GRIK2: variants seen among roughly 807,000 people sequenced by gnomAD.
The protein encoded by GRIK2 is glutamate ionotropic receptor kainate type subunit 2, also known as glutamate receptor ionotropic, kainate 2.
In GRIK2, 32 loss-of-function variants were observed where a neutral mutation model predicts 100.3. That is an observed-to-expected ratio of 0.32 (90% CI 0.24 to 0.43). GRIK2 has a LOEUF of 0.43. GRIK2 is among the 20% of genes least tolerant of loss of function. GRIK2 has a pLI of 1.00. For missense variants in GRIK2, 843 were observed against 1,114.9 expected, an observed-to-expected ratio of 0.76 and a Z score of 3.47; for synonymous variants, 417 against 389.4, an observed-to-expected ratio of 1.07 and a Z score of -0.83.
chr6:101,982,424 C>T (rs567781480), intron 14 of GRIK2, among the ~76,000 whole-genome samples: 1 of 151,834 alleles, frequency 6.6e-6, no homozygotes, highest in East Asian at 2.0e-4. Flanking sequence ...TTAAGTTGCT[C>T]AGTTTTAATT....
intron 14 of GRIK2, among the ~76,000 whole-genome samples, chr6:101,946,742 G>A (rs762324564): frequency 1.1e-4 from 16 of 152,092 alleles, no homozygotes; most frequent in Non-Finnish European, 2.1e-4. Flanking sequence ...CTGCTCAAAG[G>A]ACTGGAGGGT....
intron 2 of GRIK2, among the ~76,000 whole-genome samples, chr6:101,401,796 C>T (rs1271962015): frequency 6.6e-6 from 1 of 152,210 alleles, no homozygotes; most frequent in East Asian, 1.9e-4. Flanking sequence ...CCAGCCAGTG[C>T]CTCATGCCCT....
rs1779035000 is a variant in GRIK2 at position 101,780,789 on chromosome 6, G to A, written c.952-18859G>A. Among the ~76,000 whole-genome samples, 6 of 152,288 alleles carry A rather than the reference G, an allele frequency of 3.9e-5. No individual in the cohort carries two copies. The South Asian group carries it at 1.2e-3, about 32-fold the overall frequency. ...GATAAATCAATCTCTAAATTTGGGT[G>A]TAAGAGACGCCTCTTAGGCCCCAGC... On this transcript the variant is annotated intron_variant, in intron 7 of 16. Coordinates refer to ENST00000369134, the MANE Select transcript of GRIK2 (RefSeq NM_021956.5).
At chr6:101,465,935 T>A (rs535773734) in intron 2 of GRIK2, among the ~76,000 whole-genome samples, 12 of 152,242 alleles carry the variant, frequency 7.9e-5, no homozygotes, top group African/African-American at 2.2e-4. Context: ...AGGGAGGCAA[T>A]GTCTAAAAGC....
At chr6:101,983,813 G>T (rs1046159060) in intron 14 of GRIK2, among the ~76,000 whole-genome samples, 1 of 151,552 alleles carries the variant, frequency 6.6e-6, no homozygotes, top group Non-Finnish European at 1.5e-5. Flanking sequence ...CTTAAACTAG[G>T]TTTGTTGACT....
intron 5 of GRIK2, among the ~76,000 whole-genome samples, chr6:101,679,748 G>A (rs1464177196): frequency 6.6e-6 from 1 of 152,074 alleles, no homozygotes; most frequent in Non-Finnish European, 1.5e-5. Context: ...AATTTTGTTT[G>A]TTTGTTTGTT....
At position 101,444,677 on chromosome 6, in the gene GRIK2, A is replaced by G. The variant is rs182030168; in HGVS notation, c.115+45285A>G. On this transcript the variant is annotated intron_variant, in intron 2 of 16. Transcript: ENST00000369134. ...CAGGAATTGCAATCCTTTCTTATTGAAAATCTGTACTTTTTCAGATTAAGA... is the reference window on the plus strand; with the variant it reads ...CAGGAATTGCAATCCTTTCTTATTGGAAATCTGTACTTTTTCAGATTAAGA... Among the ~76,000 whole-genome samples, 730 of 152,212 alleles carry G rather than the reference A, an allele frequency of 4.8e-3. 6 individuals carry two copies. Among genetic ancestry groups the G allele is most frequent in the Middle Eastern group, 0.024 (7 of 294 alleles).
chr6:102,054,489 G>T (rs1193518706), intron 15 of GRIK2, among the ~76,000 whole-genome samples: 1 of 152,022 alleles, frequency 6.6e-6, no homozygotes, highest in Non-Finnish European at 1.5e-5. Flanking sequence ...CCTTGGAACA[G>T]ATATAGAAAA....
intron 2 of GRIK2, among the ~76,000 whole-genome samples, chr6:101,529,872 A>G (rs1361348653): frequency 6.6e-6 from 1 of 152,118 alleles, no homozygotes; most frequent in Non-Finnish European, 1.5e-5. Flanking sequence ...GGATAAATAC[A>G]ATTCATTTTT....
intron 14 of GRIK2, among the ~76,000 whole-genome samples, chr6:102,018,888 G>C (rs1342738541): frequency 6.6e-6 from 1 of 152,164 alleles, no homozygotes; most frequent in African/African-American, 2.4e-5. Context: ...TAAGAATGCA[G>C]CTTGTTTTCT....
intron 12 of GRIK2, among the ~76,000 whole-genome samples, chr6:101,900,941 T>C (rs1182172614): frequency 1.3e-5 from 2 of 151,976 alleles, no homozygotes; most frequent in African/African-American, 4.8e-5. Context: ...TAGTTTTATT[T>C]TTTATTATTA....
intron 2 of GRIK2, among the ~76,000 whole-genome samples, chr6:101,566,031 A>G (rs1488180771): frequency 2.0e-5 from 3 of 150,448 alleles, no homozygotes; most frequent in African/African-American, 7.3e-5. Flanking sequence ...TTAAGTAGAT[A>G]GTGGATCATT....
At chr6:101,685,022 G>A (rs1293304225) in intron 6 of GRIK2, among the ~76,000 whole-genome samples, 1 of 152,042 alleles carries the variant, frequency 6.6e-6, no homozygotes, top group East Asian at 1.9e-4. Context: ...CTATAGCCAA[G>A]TACCATATTT....
At chr6:101,573,520 T>G (rs1777653669) in intron 2 of GRIK2, among the ~76,000 whole-genome samples, 1 of 152,174 alleles carries the variant, frequency 6.6e-6, no homozygotes, top group African/African-American at 2.4e-5. Context: ...TCCAGTTCTT[T>G]TCCTTCTGGA....
At chr6:101,595,064 T>C (rs540752230) in intron 2 of GRIK2, among the ~76,000 whole-genome samples, 2 of 151,132 alleles carry the variant, frequency 1.3e-5, no homozygotes, top group East Asian at 1.9e-4. Flanking sequence ...AAACCTCAAG[T>C]AGGCATTCAT....
At chr6:101,403,583 ATTTTGCTGGG>A (rs2128236293) in intron 2 of GRIK2, among the ~76,000 whole-genome samples, 1 of 152,318 alleles carries the variant, frequency 6.6e-6, no homozygotes, top group East Asian at 1.9e-4. Flanking sequence ...AAATCCCGTT[ATTTTGCTGGG>A]CATCCCATTT....
chr6:101,753,712 C>T (rs1776946623), intron 7 of GRIK2, among the ~76,000 whole-genome samples: 1 of 152,026 alleles, frequency 6.6e-6, no homozygotes, highest in South Asian at 2.1e-4. Flanking sequence ...TGTGGGTCTT[C>T]TATTTTTGCT....
chr6:101,967,357 T>C (rs1015495484), intron 14 of GRIK2, among the ~76,000 whole-genome samples: 1 of 152,112 alleles, frequency 6.6e-6, no homozygotes, highest in African/African-American at 2.4e-5. Flanking sequence ...CTTTGGGGAA[T>C]TTTTTAGAGG....
At chr6:101,396,179 T>A (rs2128234631) in intron 1 of GRIK2, among the ~76,000 whole-genome samples, 1 of 151,862 alleles carries the variant, frequency 6.6e-6, no homozygotes, top group Admixed American at 6.6e-5. Context: ...AATTGCCACA[T>A]GTTAAGGCAT....
Sources: gnomAD v4.1 joint callset for allele counts (sites outside exome capture counted in the v4.1 genomes callset) on GRCh38, gnomAD v4.1.1 for gene constraint, MANE v1.5 for transcripts, NCBI Gene and HGNC (gene_info 2026-07-23, HGNC 2026-07-21) for gene names.